The following NUP133 variants were observed in gnomAD, a reference collection of about 807,000 sequenced individuals.
The protein encoded by NUP133 is nucleoporin 133, also known as nuclear pore complex protein Nup133.
A neutral mutation model predicts 146.2 loss-of-function variants in NUP133; 66 were observed. That is an observed-to-expected ratio of 0.45 (90% CI 0.37 to 0.55). The LOEUF is 0.55. NUP133 is among the 20% of genes least tolerant of loss of function. The pLI, the probability that NUP133 is intolerant of heterozygous loss-of-function variation, is 0.00. For synonymous variants in NUP133, 521 were observed against 498.8 expected (o/e 1.04, Z -0.59); for missense variants, 1,277 against 1,374.8 (o/e 0.93, Z 1.12).
chr1:229,484,164 T>G lies in NUP133; in HGVS notation c.1501-19A>C. On this transcript the variant is annotated intron_variant, in intron 11 of 25. Coordinates refer to ENST00000261396, the MANE Select transcript of NUP133 (RefSeq NM_018230.3). ...TCATACTCTGCAAAATAACAAAGTA[T>G]AGTTTAGAGGTAAAGGCATCTGAAT... 1 of 1,567,138 alleles carries G rather than the reference T, an allele frequency of 6.4e-7. No homozygotes were observed. Among genetic ancestry groups the G allele is most frequent in the Non-Finnish European group, 8.8e-7 (1 of 1,139,482 alleles).
rs955909159 is a variant in NUP133, at chr1:229,440,261, A to C, written c.*1643T>G. ...TAGAGAAAAAATTATTCAAAATCCTAGGTCTTAATTTCATTTTTACTGTTA... is the reference window on the plus strand; with the variant it reads ...TAGAGAAAAAATTATTCAAAATCCTCGGTCTTAATTTCATTTTTACTGTTA... On this transcript the variant is annotated 3_prime_UTR_variant, in exon 26 of 26. Coordinates refer to ENST00000261396, the MANE Select transcript of NUP133 (RefSeq NM_018230.3). 1 of 152,234 alleles carries C rather than the reference A, an allele frequency of 6.6e-6. No individual in the cohort carries two copies. Among genetic ancestry groups the C allele is most frequent in the Non-Finnish European group, 1.5e-5 (1 of 68,044 alleles). 9.4% of individuals were successfully genotyped at this position (152,234 alleles called of 1,614,324 possible).
At chr1:229,459,032 T>G (rs980055402) in intron 20 of NUP133, among the ~76,000 whole-genome samples, 4 of 152,210 alleles carry the variant, frequency 2.6e-5, no homozygotes, top group Admixed American at 2.6e-4. Context: ...TAATGAATTA[T>G]AATTGTATAT....
In NUP133 at chr1:229,440,319, T is replaced by C. The variant is rs1660152659; in HGVS notation, c.*1585A>G. ...TTTTAAAAACTCAACCATTTGGGTG[T>C]AATAGCTACTAACTTAGAGAGAAAC... On this transcript the variant is annotated 3_prime_UTR_variant, in exon 26 of 26. Transcript: ENST00000261396. 6.6e-6 allele frequency: 1 copy of C among 152,252 alleles called. No individual in the cohort carries two copies. The highest frequency in any genetic ancestry group is 1.5e-5 in the Non-Finnish European group (1 of 68,046). The allele number at this position is 152,252 out of a possible 1,614,324, so 9.4% of individuals were successfully genotyped here. A position where few individuals can be genotyped will look rare whatever the true frequency, so the allele number is the denominator to read the frequency against.
intron 7 of NUP133, 39 bp downstream of exon 7, chr1:229,495,853 T>C: frequency 1.3e-6 from 2 of 1,492,488 alleles, no homozygotes; most frequent in Non-Finnish European, 1.8e-6. Flanking sequence ...CATACAACCA[T>C]AAACATGAAT....
chr1:229,466,587 C>T, intron 16 of NUP133, 47 bp downstream of exon 16: 1 of 1,607,828 alleles, frequency 6.2e-7, no homozygotes, highest in Non-Finnish European at 8.5e-7. Context: ...CTTGTCTATC[C>T]ATGCCCTGGG....
intron 21 of NUP133, among the ~76,000 whole-genome samples, chr1:229,453,982 T>C (rs1007355398): frequency 1.8e-4 from 27 of 152,168 alleles, no homozygotes; most frequent in African/African-American, 6.5e-4. Context: ...AGTGTTTTCA[T>C]GTTGTTGAAA....
chr1:229,484,018 C>T (rs765151008), intron 12 of NUP133, 36 bp downstream of exon 12: 2 of 1,434,298 alleles, frequency 1.4e-6, no homozygotes, highest in South Asian at 2.3e-5. Context: ...TATCCTCACA[C>T]ATAAAATAAT....
At chr1:229,499,074 T>A (rs1661731308) in intron 5 of NUP133, 1 of 423,430 alleles carries the variant, frequency 2.4e-6, no homozygotes, top group Non-Finnish European at 4.8e-6. Flanking sequence ...AATTTTTAAA[T>A]TTTTTTGTAG....
At chr1:229,448,022 C>T (rs142557193) in intron 24 of NUP133, among the ~76,000 whole-genome samples, 1 of 152,350 alleles carries the variant, frequency 6.6e-6, no homozygotes, top group African/African-American at 2.4e-5. Context: ...GTCCTCGCTG[C>T]TCATTATACA....
intron 12 of NUP133, among the ~76,000 whole-genome samples, 162 bp from the exon 13 acceptor site, chr1:229,477,922 AGT>A (rs1661118419): frequency 6.6e-6 from 1 of 152,214 alleles, no homozygotes; most frequent in African/African-American, 2.4e-5. Flanking sequence ...AAGTGAAATA[AGT>A]CAGGCACGAA....
chr1:229,446,037 C>G (rs1002741812), intron 24 of NUP133, among the ~76,000 whole-genome samples: 4 of 152,290 alleles, frequency 2.6e-5, no homozygotes, highest in Non-Finnish European at 5.9e-5. Flanking sequence ...TATTCTTAGT[C>G]TTTGTCATTG....
rs1436897873 is a variant in NUP133, at chr1:229,486,486, A to G, written c.1385T>C (p.Ile462Thr). The G allele has an allele frequency of 6.2e-7, 1 of 1,611,092 alleles. No individual in the cohort carries two copies. Among genetic ancestry groups the G allele is most frequent in the Non-Finnish European group, 8.5e-7 (1 of 1,179,210 alleles). ...CAGTCCACTGTTTCTAGAAAAAATG[A>G]TAGGAACACCACCACAGGCACCAGC... ...LGAGACGGVP[I>T]IFSRNSGLVS... Residue 462 changes from isoleucine to threonine, a missense_variant, in exon 11 of 26, where the codon ATC becomes ACC. Physicochemically the swap from Ile to Thr is moderately conservative, Grantham distance 89. Around this residue, in one of 3 missense-constraint regions of NUP133, gnomAD observed 952 missense variants for 1,047.0 expected, o/e 0.91. Transcript: ENST00000261396.
chr1:229,447,753 C>A (rs1435214126), intron 24 of NUP133, among the ~76,000 whole-genome samples: 1 of 152,190 alleles, frequency 6.6e-6, no homozygotes, highest in South Asian at 2.1e-4. Flanking sequence ...GCCAGAGAGG[C>A]TTTGGAAGTT....
chr1:229,488,469 T>C (rs1397282475), intron 9 of NUP133, among the ~76,000 whole-genome samples: 3 of 152,190 alleles, frequency 2.0e-5, no homozygotes, highest in Admixed American at 6.5e-5. Flanking sequence ...ACAGAAATAT[T>C]AAATGCGAGG....
intron 11 of NUP133, among the ~76,000 whole-genome samples, 169 bp downstream of exon 11, chr1:229,486,202 C>T (rs184873793): frequency 6.6e-6 from 1 of 151,478 alleles, no homozygotes; most frequent in African/African-American, 2.4e-5. Flanking sequence ...AAAAATTAGC[C>T]AGGCACCTAC....
At position 229,470,705 on chromosome 1, in the gene NUP133, T is replaced by A; in HGVS notation, c.1951A>T (p.Ile651Phe). ...CGGGAGTGGTGGTTCTTGAGAACAATGGCGGCTGACAGCTTTTCGGCATGC... is the reference window on the plus strand; with the variant it reads ...CGGGAGTGGTGGTTCTTGAGAACAAAGGCGGCTGACAGCTTTTCGGCATGC... ...CEHAEKLSAA[I>F]VLKNHHSRLS... Residue 651 changes from isoleucine (I) to phenylalanine (F), a missense_variant, in exon 15 of 26, where the codon ATT (isoleucine) becomes TTT (phenylalanine). Around this residue, in one of 3 missense-constraint regions of NUP133, gnomAD observed 952 missense variants for 1,047.0 expected, o/e 0.91. Transcript: ENST00000261396. 3.7e-6 allele frequency: 6 copies of A among 1,614,194 alleles called. No individual in the cohort carries two copies. The highest frequency in any genetic ancestry group is 4.2e-6 in the Non-Finnish European group (5 of 1,180,032).
intron 9 of NUP133, among the ~76,000 whole-genome samples, chr1:229,488,779 C>T (rs1008608153): frequency 1.3e-5 from 2 of 152,010 alleles, no homozygotes; most frequent in South Asian, 4.1e-4. Flanking sequence ...TGGAGGCTAC[C>T]GTGCACTCTG....
intron 24 of NUP133, 150 bp downstream of exon 24, chr1:229,448,976 C>G: frequency 1.5e-6 from 1 of 655,414 alleles, no homozygotes; most frequent in South Asian, 1.7e-5. Context: ...CTGGTGCCCA[C>G]CAACAGAACT....
chr1:229,482,090 T>C (rs574703114), intron 12 of NUP133, among the ~76,000 whole-genome samples: 2 of 152,360 alleles, frequency 1.3e-5, no homozygotes, highest in African/African-American at 4.8e-5. Context: ...ACTGAGATTT[T>C]TGAAGACTGA....
Sources: gnomAD v4.1 joint callset for allele counts (sites outside exome capture counted in the v4.1 genomes callset) on GRCh38, gnomAD v4.1.1 for gene constraint, gnomAD v4.1.1 regional missense constraint, MANE v1.5 for transcripts, NCBI Gene and HGNC (gene_info 2026-07-23, HGNC 2026-07-21) for gene names.